COL6A5: variants seen among roughly 807,000 people sequenced by gnomAD.
COL6A5 encodes collagen alpha-5(VI) chain.
In COL6A5, 48 loss-of-function variants were observed where a neutral mutation model predicts 65.6. That is an observed-to-expected ratio of 0.73 (90% CI 0.58 to 0.93). The LOEUF is 0.93. COL6A5 is among the 40% of genes least tolerant of loss of function. The pLI, the probability that COL6A5 is intolerant of heterozygous loss-of-function variation, is 0.00. For synonymous variants in COL6A5, 291 were observed against 322.8 expected, an observed-to-expected ratio of 0.90 and a Z score of 1.05; for missense variants, 914 against 928.3, an observed-to-expected ratio of 0.98 and a Z score of 0.20.
intron 6 of COL6A5, among the ~76,000 whole-genome samples, chr3:130,390,443 A>G (rs1936354662): frequency 6.6e-6 from 1 of 152,214 alleles, no homozygotes; most frequent in Admixed American, 6.5e-5. Context: ...GAGAAAGCCA[A>G]TCTTTGGAAT....
intron 4 of COL6A5, among the ~76,000 whole-genome samples, chr3:130,448,486 TC>T (rs1709355774): frequency 6.6e-6 from 1 of 152,190 alleles, no homozygotes; most frequent in Admixed American, 6.5e-5. Context: ...AAAGAATCTC[TC>T]CTAATTTGAA....
At chr3:130,452,633 A>G (rs1252086582) in intron 4 of COL6A5, among the ~76,000 whole-genome samples, 4 of 152,182 alleles carry the variant, frequency 2.6e-5, no homozygotes, top group Non-Finnish European at 4.4e-5. Context: ...TCACAGGACC[A>G]CAGGACTGGG....
chr3:130,372,151 A>G (rs1214290454), intron 1 of COL6A5, among the ~76,000 whole-genome samples: 1 of 152,172 alleles, frequency 6.6e-6, no homozygotes, highest in Admixed American at 6.5e-5. Flanking sequence ...GGCTATAATA[A>G]CAAAATGGAA....
intron 1 of COL6A5, among the ~76,000 whole-genome samples, chr3:130,435,263 C>G (rs1937992153): frequency 6.6e-6 from 1 of 151,916 alleles, no homozygotes; most frequent in South Asian, 2.1e-4. Flanking sequence ...TGTGTGGTGT[C>G]ACTTCTGAGG....
chr3:130,413,967 C>A, intron 21 of COL6A5, 102 bp from the exon 22 acceptor site: 2 of 868,942 alleles, frequency 2.3e-6, no homozygotes, highest in South Asian at 3.1e-5. Flanking sequence ...AGCCACAAGT[C>A]AGACAAAATA....
chr3:130,469,165 C>T lies in COL6A5; in HGVS notation c.1917C>T (p.Gly639=), dbSNP rs59160673. ...AGCTCAATGGAGATGTTTTTATTGGCCATGCCTTGCAGTGGACAATTGACA... is the reference window on the plus strand; with the variant it reads ...AGCTCAATGGAGATGTTTTTATTGGTCATGCCTTGCAGTGGACAATTGACA... Residue 639 remains glycine (G), a synonymous_variant, in exon 6 of 8, where the codon GGC becomes GGT. Coordinates refer to ENST00000512836, the Ensembl canonical transcript of COL6A5. The T allele has an allele frequency of 2.3e-3, 3,686 of 1,613,166 alleles. 78 individuals carry two copies. In the African/African-American group the frequency reaches 0.044, roughly 19 times the overall value.
At chr3:130,401,512 C>T (rs955610090) in intron 11 of COL6A5, among the ~76,000 whole-genome samples, 6 of 152,182 alleles carry the variant, frequency 3.9e-5, no homozygotes, top group African/African-American at 1.4e-4. Context: ...GGGCCATGGC[C>T]ATCCACATAC....
intron 29 of COL6A5, among the ~76,000 whole-genome samples, chr3:130,425,004 T>A (rs1018250945): frequency 1.3e-5 from 2 of 152,134 alleles, no homozygotes; most frequent in African/African-American, 2.4e-5. Context: ...TTTCAGGACA[T>A]CCTCTCCATG....
At chr3:130,411,649 A>G (rs866941460) in intron 20 of COL6A5, among the ~76,000 whole-genome samples, 2 of 152,194 alleles carry the variant, frequency 1.3e-5, no homozygotes, top group Non-Finnish European at 2.9e-5. Flanking sequence ...GCTAAATGCT[A>G]TAAATTTTAA....
At chr3:130,376,166 A>G (rs1477924286) in intron 2 of COL6A5, 71 bp from the exon 3 acceptor site, 5 of 1,439,258 alleles carry the variant, frequency 3.5e-6, no homozygotes, top group South Asian at 1.5e-5. Context: ...ATAGTCTTAA[A>G]TAAGTATTGT....
intron 3 of COL6A5, 60 bp from the exon 36 acceptor site, chr3:130,443,416 T>C: frequency 7.8e-7 from 1 of 1,275,578 alleles, no homozygotes; most frequent in Non-Finnish European, 1.1e-6. Flanking sequence ...GGGATTCTCT[T>C]TACCTAGGAA....
intron 3 of COL6A5, among the ~76,000 whole-genome samples, chr3:130,377,862 A>G (rs1935843112): frequency 6.6e-6 from 1 of 152,194 alleles, no homozygotes; most frequent in African/African-American, 2.4e-5. Flanking sequence ...TAACCTGAGA[A>G]GGTCATTCTT....
At chr3:130,389,068 G>C (rs756200231) in exon 6 of COL6A5, 2 of 1,485,432 alleles carry the variant, frequency 1.3e-6, no homozygotes, top group African/African-American at 2.8e-5. Context: ...AGTTTTTCAT[G>C]TTGAGAACTT....
chr3:130,458,536 C>A (rs185248790), intron 5 of COL6A5, among the ~76,000 whole-genome samples: 1 of 152,244 alleles, frequency 6.6e-6, no homozygotes, highest in Non-Finnish European at 1.5e-5. Context: ...TTTTAACAAG[C>A]AGCTCAGGTG....
chr3:130,386,426 G>C (rs1936189154), intron 5 of COL6A5, among the ~76,000 whole-genome samples: 1 of 152,028 alleles, frequency 6.6e-6, no homozygotes, highest in South Asian at 2.1e-4. Flanking sequence ...TCACTTATTT[G>C]ACTAAACTGA....
At chr3:130,356,554 C>T (rs1934932940) in intron 1 of COL6A5, among the ~76,000 whole-genome samples, 1 of 150,320 alleles carries the variant, frequency 6.7e-6, no homozygotes, top group African/African-American at 2.4e-5. Flanking sequence ...TACTTTTGCA[C>T]CGACCTAATA....
At chr3:130,452,914 G>T (rs992039096) in intron 4 of COL6A5, among the ~76,000 whole-genome samples, 1 of 152,154 alleles carries the variant, frequency 6.6e-6, no homozygotes, top group South Asian at 2.1e-4. Context: ...CTGAGAAAAA[G>T]AATTCAGTGA....
exon 3 of COL6A5, chr3:130,440,701 G>T: frequency 1.2e-6 from 2 of 1,613,546 alleles, no homozygotes; most frequent in Middle Eastern, 1.7e-4. Context: ...CTACACGTAA[G>T]GATGACATGG....
chr3:130,450,212 G>A (rs751140275), intron 4 of COL6A5, among the ~76,000 whole-genome samples: 1 of 152,110 alleles, frequency 6.6e-6, no homozygotes, highest in African/African-American at 2.4e-5. Flanking sequence ...CCCATTTGAT[G>A]TTGGGGCCTG....
Sources: allele counts gnomAD v4.1 joint callset (sites outside exome capture counted in the v4.1 genomes callset), GRCh38; gene constraint gnomAD v4.1.1; transcripts MANE v1.5; gene names NCBI Gene and HGNC (gene_info 2026-07-23, HGNC 2026-07-21).